The following CFAP299 variants were observed in gnomAD, a reference collection of about 807,000 sequenced individuals.
CFAP299 encodes the protein cilia and flagella associated protein 299, also known as cilia- and flagella-associated protein 299.
A neutral mutation model predicts 27.0 loss-of-function variants in CFAP299; 21 were observed. The ratio of observed to expected loss-of-function variants is 0.78; its 90% CI spans 0.55 to 1.12. The LOEUF (loss-of-function observed/expected upper bound fraction) is 1.12. Ranked by LOEUF, CFAP299 falls within the 50% of genes most tolerant of loss-of-function variation. The pLI is 0.00. For missense variants in CFAP299, 310 were observed against 276.6 expected, an observed-to-expected ratio of 1.12 and a Z score of -0.86; for synonymous variants, 104 against 98.1, an observed-to-expected ratio of 1.06 and a Z score of -0.36.
At chr4:80,947,356 T>C (rs753848733) in intron 5 of CFAP299, among the ~76,000 whole-genome samples, 5 of 152,162 alleles carry the variant, frequency 3.3e-5, no homozygotes, top group African/African-American at 4.8e-5. Flanking sequence ...AAAGTAAAAA[T>C]TAATAGTAGA....
intron 3 of CFAP299, among the ~76,000 whole-genome samples, chr4:80,589,679 T>A (rs1736624795): frequency 6.6e-6 from 1 of 152,096 alleles, no homozygotes; most frequent in Non-Finnish European, 1.5e-5. Flanking sequence ...AATAGTTCAA[T>A]CAATAGGAAA....
At chr4:80,700,142 A>T (rs1721381040) in intron 3 of CFAP299, among the ~76,000 whole-genome samples, 1 of 152,154 alleles carries the variant, frequency 6.6e-6, no homozygotes, top group South Asian at 2.1e-4. Flanking sequence ...ACCATGCTGA[A>T]GTCAGTGTAG....
intron 2 of CFAP299, among the ~76,000 whole-genome samples, chr4:80,491,987 A>G (rs1731159108): frequency 6.6e-6 from 1 of 152,194 alleles, no homozygotes; most frequent in Admixed American, 6.5e-5. Context: ...CAGCCACTAT[A>G]AGACTTCAAA....
At chr4:80,482,122 T>C (rs537511563) in intron 2 of CFAP299, among the ~76,000 whole-genome samples, 5 of 152,036 alleles carry the variant, frequency 3.3e-5, no homozygotes, top group African/African-American at 1.2e-4. Context: ...CAATTCTATC[T>C]GGGAATATAG....
At chr4:80,598,772 G>T (rs1394602159) in intron 3 of CFAP299, among the ~76,000 whole-genome samples, 1 of 152,150 alleles carries the variant, frequency 6.6e-6, no homozygotes. Context: ...ACTGCAAATC[G>T]TGTTTAAGCA....
chr4:80,666,539 A>G (rs1469299936), intron 3 of CFAP299, among the ~76,000 whole-genome samples: 1 of 152,142 alleles, frequency 6.6e-6, no homozygotes, highest in African/African-American at 2.4e-5. Flanking sequence ...TTTGGATGCC[A>G]CCTTCCTTCT....
At chr4:80,771,457 GA>G (rs1323055164) in intron 3 of CFAP299, among the ~76,000 whole-genome samples, 1 of 151,804 alleles carries the variant, frequency 6.6e-6, no homozygotes, top group Non-Finnish European at 1.5e-5. Context: ...TAATTCTGTT[GA>G]ATAAAATCAT....
intron 3 of CFAP299, among the ~76,000 whole-genome samples, chr4:80,715,552 A>G (rs1254018228): frequency 6.6e-6 from 1 of 152,054 alleles, no homozygotes; most frequent in East Asian, 1.9e-4. Flanking sequence ...TGAAAGACCA[A>G]AATGGGTCTA....
At chr4:80,609,393 A>C (rs1476868912) in intron 3 of CFAP299, among the ~76,000 whole-genome samples, 1 of 152,078 alleles carries the variant, frequency 6.6e-6, no homozygotes, top group Non-Finnish European at 1.5e-5. Flanking sequence ...GAAACTATGC[A>C]GTGAGAGAAG....
At position 80,459,667 on chromosome 4, in the gene CFAP299, A is replaced by C. The variant is rs1055291075; in HGVS notation, c.242+96783A>C. On this transcript the variant is annotated intron_variant, in intron 2 of 5. Transcript: ENST00000358105. ...CCACTAACAATATTAAACTTAATGA[A>C]GAAAAAAAACAGAAAAACTGATTTT... is the stretch of plus-strand genomic sequence containing the variant. 2.0e-5 allele frequency among the ~76,000 whole-genome samples: 3 copies of C among 152,306 alleles called. No individual in the cohort carries two copies. The East Asian group carries it at 5.8e-4, about 29-fold the overall frequency.
At chr4:80,528,237 C>A (rs1375849813) in intron 2 of CFAP299, among the ~76,000 whole-genome samples, 2 of 151,682 alleles carry the variant, frequency 1.3e-5, no homozygotes, top group Non-Finnish European at 1.5e-5. Flanking sequence ...TTTTTGAGCC[C>A]ATGAGACCCT....
chr4:80,634,741 T>G (rs1739400522), intron 3 of CFAP299, among the ~76,000 whole-genome samples: 1 of 152,132 alleles, frequency 6.6e-6, no homozygotes, highest in Non-Finnish European at 1.5e-5. Flanking sequence ...TTGTATCTCC[T>G]AATTTGGATT....
intron 1 of CFAP299, among the ~76,000 whole-genome samples, chr4:80,351,608 C>T (rs1359470275): frequency 6.6e-6 from 1 of 151,818 alleles, no homozygotes; most frequent in African/African-American, 2.4e-5. Flanking sequence ...TATTAAAACC[C>T]AACCATACTG....
At chr4:80,480,999 C>T (rs936836584) in intron 2 of CFAP299, among the ~76,000 whole-genome samples, 3 of 151,904 alleles carry the variant, frequency 2.0e-5, no homozygotes, top group African/African-American at 7.3e-5. Context: ...ATTTTATATT[C>T]ATATAATGTT....
intron 2 of CFAP299, among the ~76,000 whole-genome samples, chr4:80,425,697 C>T (rs375091474): frequency 2.6e-5 from 4 of 152,268 alleles, no homozygotes; most frequent in East Asian, 1.9e-4. Context: ...TAATAAAATT[C>T]GAGAGAGATA....
chr4:80,682,365 C>G (rs1169310794), intron 3 of CFAP299, among the ~76,000 whole-genome samples: 1 of 152,068 alleles, frequency 6.6e-6, no homozygotes, highest in African/African-American at 2.4e-5. Flanking sequence ...ACCTTCTCCC[C>G]TATCTGTTTT....
Position 80,931,780 on chromosome 4 carries a change from G to A in CFAP299, c.477-13030G>A, listed in dbSNP as rs374219381. 4.1e-4 allele frequency among the ~76,000 whole-genome samples: 62 copies of A among 152,024 alleles called. 1 individual carries two copies. In the East Asian group the frequency reaches 0.011, roughly 27 times the overall value. On this transcript the variant is annotated intron_variant, in intron 4 of 5. Transcript: ENST00000358105. ...CACACCCCTGGCCGTGTGAACCCAA[G>A]CCAAGCTCAAAGGTTTTCAATCCTA...
chr4:80,709,281 G>T (rs1722001095), intron 3 of CFAP299, among the ~76,000 whole-genome samples: 2 of 152,092 alleles, frequency 1.3e-5, no homozygotes, highest in African/African-American at 4.8e-5. Context: ...CATCCTTGCT[G>T]TTGTATGAAT....
chr4:80,657,577 A>G (rs996934153), intron 3 of CFAP299, among the ~76,000 whole-genome samples: 3 of 151,882 alleles, frequency 2.0e-5, no homozygotes, highest in Admixed American at 1.3e-4. Flanking sequence ...TTTCTGTTCT[A>G]TTGGTCTATA....
Sources: allele counts gnomAD v4.1 joint callset (sites outside exome capture counted in the v4.1 genomes callset), GRCh38; gene constraint gnomAD v4.1.1; transcripts MANE v1.5; gene names NCBI Gene and HGNC (gene_info 2026-07-23, HGNC 2026-07-21).